The following OPCML variants were observed in gnomAD, a reference collection of about 807,000 sequenced individuals.
OPCML encodes the protein opioid-binding protein/cell adhesion molecule.
Under a neutral mutation model 37.8 loss-of-function variants are expected in OPCML, and 13 were observed. That is an observed-to-expected ratio of 0.34 (90% confidence interval 0.22 to 0.55). The LOEUF (loss-of-function observed/expected upper bound fraction) is 0.55, where lower values mean the gene tolerates loss of function less well. OPCML is among the 20% of genes least tolerant of loss of function. OPCML has a pLI of 0.91. For missense variants in OPCML, 341 were observed against 435.6 expected (o/e 0.78, Z 1.93); for synonymous variants, 176 against 168.8 (o/e 1.04, Z -0.33).
At chr11:132,620,611 C>A (rs977405510) in intron 3 of OPCML, among the ~76,000 whole-genome samples, 1 of 152,208 alleles carries the variant, frequency 6.6e-6, no homozygotes, top group Admixed American at 6.5e-5. Flanking sequence ...AGAGAAACAG[C>A]TGGTGACTTG....
In OPCML at chr11:133,532,412, G is replaced by A; in HGVS notation, c.-88C>T. On this transcript the variant is annotated 5_prime_UTR_variant, in exon 1 of 8. Coordinates refer to ENST00000524381, the MANE Select transcript of OPCML (RefSeq NM_001012393.5). The stretch of plus-strand genomic sequence containing the variant: ...TGCCTTCCTCTGTGCTGAATTCTGA[G>A]CAGGTTTAAATCCAATGTTTGCAAA... The A allele has an allele frequency of 2.6e-6, 4 of 1,510,040 alleles. No homozygotes were observed. Among genetic ancestry groups the A allele is most frequent in the Non-Finnish European group, 3.6e-6 (4 of 1,105,908 alleles). The allele number at this position is 1,510,040 out of a possible 1,614,324, so 93.5% of individuals were successfully genotyped here.
chr11:132,463,501 G>T (rs754926758), intron 4 of OPCML, among the ~76,000 whole-genome samples: 11 of 152,234 alleles, frequency 7.2e-5, no homozygotes, highest in Non-Finnish European at 1.2e-4. Context: ...AAGAGCATCT[G>T]TAGTTTACCA....
chr11:133,361,657 G>A (rs115668880), intron 1 of OPCML: 16,919 of 153,390 alleles, frequency 0.11, 1,234 homozygotes, highest in African/African-American at 0.2. Context: ...ATCCCGGGGC[G>A]CCTGCAGCTA....
At chr11:132,471,406 T>G (rs1241623109) in intron 4 of OPCML, among the ~76,000 whole-genome samples, 1 of 152,228 alleles carries the variant, frequency 6.6e-6, no homozygotes, top group Non-Finnish European at 1.5e-5. Flanking sequence ...AATCATTTGT[T>G]GTCTCTCATG....
rs930664554 is a variant in OPCML at position 132,415,980 on chromosome 11, A to T, written c.*4213T>A. On this transcript the variant is annotated 3_prime_UTR_variant, in exon 8 of 8. Transcript: ENST00000524381. ...CCTGTGAAGTTTTACTCAAGTGCTC[A>T]AACTTATTTGTCTTCAAGTAAAAAG... 1 of 152,602 alleles carries T rather than the reference A, an allele frequency of 6.6e-6. No individual in the cohort carries two copies. Among genetic ancestry groups the T allele is most frequent in the Admixed American group, 6.5e-5 (1 of 15,274 alleles). The allele number at this position is 152,602 out of a possible 1,614,324, so 9.5% of individuals were successfully genotyped here.
chr11:133,415,414 A>G (rs923852298), intron 1 of OPCML, among the ~76,000 whole-genome samples: 1 of 152,098 alleles, frequency 6.6e-6, no homozygotes, highest in Non-Finnish European at 1.5e-5. Flanking sequence ...CGTCTAAAAA[A>G]AAAAAAAAGC....
rs1449057401 is a variant in OPCML, at chr11:132,802,875, T to C, written c.146+140051A>G. On this transcript the variant is annotated intron_variant, in intron 2 of 7. Transcript: ENST00000524381. ...AGAAAGGGGTCTTTGAAGCAATTTA[T>C]TGTGCTATTCCCCATCCTCTTTGGA... 2.6e-5 allele frequency among the ~76,000 whole-genome samples: 4 copies of C among 152,194 alleles called. No homozygotes were observed. In the East Asian group the frequency reaches 5.8e-4, roughly 22 times the overall value.
intron 1 of OPCML, among the ~76,000 whole-genome samples, chr11:133,102,236 T>G (rs980729463): frequency 6.6e-6 from 1 of 152,228 alleles, no homozygotes; most frequent in Non-Finnish European, 1.5e-5. Flanking sequence ...ATCAATTTTA[T>G]GAAATCTACC....
At chr11:132,643,783 T>C (rs1027115962) in intron 3 of OPCML, among the ~76,000 whole-genome samples, 2 of 152,210 alleles carry the variant, frequency 1.3e-5, no homozygotes, top group Non-Finnish European at 2.9e-5. Context: ...CCCATGCCTC[T>C]CTCATTCAAC....
At chr11:133,504,434 G>A (rs1947984119) in intron 1 of OPCML, among the ~76,000 whole-genome samples, 1 of 152,194 alleles carries the variant, frequency 6.6e-6, no homozygotes, top group South Asian at 2.1e-4. Context: ...TAGAAAGCCA[G>A]AGAAAGAAGA....
chr11:132,511,908 G>A (rs2096269697), intron 4 of OPCML, among the ~76,000 whole-genome samples: 1 of 152,036 alleles, frequency 6.6e-6, no homozygotes, highest in Non-Finnish European at 1.5e-5. Flanking sequence ...GATTCCTTTA[G>A]AAGCACCATT....
intron 7 of OPCML, among the ~76,000 whole-genome samples, chr11:132,421,055 G>A (rs2095957005): frequency 1.3e-5 from 2 of 151,914 alleles, no homozygotes. Context: ...CGGGAAATAA[G>A]TCCACAGTAT....
At chr11:132,581,937 G>A (rs868271891) in intron 3 of OPCML, among the ~76,000 whole-genome samples, 19 of 151,970 alleles carry the variant, frequency 1.3e-4, no homozygotes, top group Middle Eastern at 3.2e-3. Flanking sequence ...TCTCAATCCC[G>A]GAAACATGGG....
intron 2 of OPCML, among the ~76,000 whole-genome samples, chr11:132,890,082 T>A (rs1048496047): frequency 2.0e-5 from 3 of 152,196 alleles, no homozygotes; most frequent in South Asian, 2.1e-4. Context: ...TGTGGGGCCT[T>A]TGTAATTTTT....
At chr11:133,040,818 G>A (rs995392214) in intron 1 of OPCML, among the ~76,000 whole-genome samples, 1 of 152,162 alleles carries the variant, frequency 6.6e-6, no homozygotes, top group Non-Finnish European at 1.5e-5. Flanking sequence ...ATGGGAGAAG[G>A]AGAAAGGGTG....
chr11:133,302,011 T>C (rs139922378), intron 1 of OPCML: 1 of 152,286 alleles, frequency 6.6e-6, no homozygotes, highest in African/African-American at 2.4e-5. Flanking sequence ...TGGAAAGACA[T>C]AGAAGATGTT....
At chr11:133,054,261 T>A (rs973709602) in intron 1 of OPCML, among the ~76,000 whole-genome samples, 2 of 152,210 alleles carry the variant, frequency 1.3e-5, no homozygotes, top group Admixed American at 1.3e-4. Context: ...TCAAAACCTC[T>A]GGTGGCTTTC....
intron 1 of OPCML, among the ~76,000 whole-genome samples, chr11:133,518,492 A>T (rs1565679641): frequency 6.6e-6 from 1 of 151,056 alleles, no homozygotes; most frequent in African/African-American, 2.4e-5. Context: ...TTTGTGTATA[A>T]GTGTGTGCGG....
intron 2 of OPCML, among the ~76,000 whole-genome samples, chr11:132,726,003 G>A (rs1439293744): frequency 6.6e-6 from 1 of 151,952 alleles, no homozygotes; most frequent in African/African-American, 2.4e-5. Context: ...CAACATTTTG[G>A]GCAAAGCCAT....
Sources: allele counts gnomAD v4.1 joint callset (sites outside exome capture counted in the v4.1 genomes callset), GRCh38; gene constraint gnomAD v4.1.1; transcripts MANE v1.5; gene names NCBI Gene and HGNC (gene_info 2026-07-23, HGNC 2026-07-21).